MOCS1: variants seen among roughly 807,000 people sequenced by gnomAD.
MOCS1 encodes molybdenum cofactor synthesis 1, also known as molybdenum cofactor biosynthesis protein 1.
In MOCS1, 39 loss-of-function variants were observed where a neutral mutation model predicts 57.6. That is an observed-to-expected ratio of 0.68 (90% CI 0.52 to 0.88). The LOEUF (loss-of-function observed/expected upper bound fraction) is 0.88. Among genes scored for constraint, MOCS1 ranks in the 40% least tolerant of loss-of-function variants. MOCS1 has a pLI of 0.00. For missense variants in MOCS1, 795 were observed against 831.1 expected (o/e 0.96, Z 0.53); for synonymous variants, 334 against 335.7 (o/e 1.00, Z 0.05).
intron 3 of MOCS1, 37 bp downstream of exon 3, chr6:39,925,641 C>T (rs201432240): frequency 9.0e-5 from 145 of 1,611,856 alleles, no homozygotes; most frequent in Admixed American, 8.0e-4. Flanking sequence ...GATGAGGCAG[C>T]GCTGGGAGAA....
intron 1 of MOCS1, among the ~76,000 whole-genome samples, chr6:39,930,968 A>G (rs1004166808): frequency 2.6e-5 from 4 of 152,216 alleles, no homozygotes; most frequent in Non-Finnish European, 5.9e-5. Flanking sequence ...ATGGAGGAAC[A>G]CTGTTGTGTG....
At position 39,906,668 on chromosome 6, in the gene MOCS1, C is replaced by T. The variant is rs755006992; in HGVS notation, c.1600G>A (p.Val534Met). ...TGGACTCCAGCCAGCTGGGCCACCACTAGGGCATCTCCTTTCTTGAGCTGG... is the reference window on the plus strand; with the variant it reads ...TGGACTCCAGCCAGCTGGGCCACCATTAGGGCATCTCCTTTCTTGAGCTGG... Reference protein sequence around the residue: ...QNQLKKGDALVVAQLAGVQAA... With the variant: ...QNQLKKGDALMVAQLAGVQAA... Residue 534 changes from valine to methionine, a missense_variant, in exon 11 of 11, where the codon GTG becomes ATG. This residue lies in a region of MOCS1 where 374 missense variants were observed against 422.6 expected (regional missense o/e 0.89). Coordinates refer to ENST00000340692, the MANE Select transcript of MOCS1 (RefSeq NM_001358530.2). 1 of 1,614,060 alleles carries T rather than the reference C, an allele frequency of 6.2e-7. No individual in the cohort carries two copies. The highest frequency in any genetic ancestry group is 8.5e-7 in the Non-Finnish European group (1 of 1,180,046).
At chr6:39,911,998 G>A (rs1311182925) in intron 8 of MOCS1, among the ~76,000 whole-genome samples, 2 of 152,202 alleles carry the variant, frequency 1.3e-5, no homozygotes, top group African/African-American at 4.8e-5. Flanking sequence ...AGCTCCATGA[G>A]AGCTGGAAAG....
chr6:39,911,743 C>T, intron 8 of MOCS1, among the ~76,000 whole-genome samples: 1 of 152,172 alleles, frequency 6.6e-6, no homozygotes, highest in East Asian at 1.9e-4. Flanking sequence ...TGCACTCTCA[C>T]AGGCTATCTA....
At chr6:39,910,072 T>C in intron 8 of MOCS1, 117 bp from the exon 9 acceptor site, 1 of 1,480,590 alleles carries the variant, frequency 6.8e-7, no homozygotes, top group African/African-American at 1.4e-5. Context: ...GGCCCAGGCC[T>C]CCCATGGCAG....
chr6:39,910,423 T>G (rs756745303), intron 8 of MOCS1, among the ~76,000 whole-genome samples: 3 of 152,176 alleles, frequency 2.0e-5, no homozygotes, highest in Non-Finnish European at 4.4e-5. Context: ...CTGACTGCCC[T>G]GTACCTATTT....
Position 39,916,183 on chromosome 6 carries a change from A to G in MOCS1, c.468T>C (p.Asn156=), listed in dbSNP as rs1204274752. 6.2e-7 allele frequency: 1 copy of G among 1,613,860 alleles called. No individual in the cohort carries two copies. Among genetic ancestry groups the G allele is most frequent in the Non-Finnish European group, 8.5e-7 (1 of 1,180,006 alleles). Residue 156 remains asparagine, a synonymous_variant, in exon 4 of 11, where the codon AAT becomes AAC. Transcript: ENST00000340692. The part of the protein sequence containing the change: ...EGLRTIGVTT[N]GINLARLLPQ... ...GCAGTAGCCGGGCCAGGTTGATGCC[A>G]TTGGTGGTAACACCTATGGTTCTCA... is the stretch of plus-strand genomic sequence containing the variant.
intron 3 of MOCS1, among the ~76,000 whole-genome samples, chr6:39,924,370 C>T (rs770317556): frequency 2.6e-5 from 4 of 152,116 alleles, no homozygotes; most frequent in African/African-American, 9.7e-5. Context: ...GTGTCAGGCA[C>T]GGTACTGGAT....
chr6:39,922,952 C>A (rs761602818), intron 3 of MOCS1, among the ~76,000 whole-genome samples: 1 of 152,222 alleles, frequency 6.6e-6, no homozygotes, highest in African/African-American at 2.4e-5. Flanking sequence ...ATCTGCCCTG[C>A]CCTTCAAGGC....
chr6:39,928,850 C>A (rs1348631498), intron 1 of MOCS1, among the ~76,000 whole-genome samples: 1 of 152,152 alleles, frequency 6.6e-6, no homozygotes, highest in Non-Finnish European at 1.5e-5. Context: ...CTCAGGCCCT[C>A]CAAAGGTCTA....
chr6:39,912,638 G>A (rs548366010), intron 7 of MOCS1, among the ~76,000 whole-genome samples: 2 of 152,172 alleles, frequency 1.3e-5, no homozygotes, highest in African/African-American at 4.8e-5. Flanking sequence ...GCGTGGAAGC[G>A]GGATGAGCAC....
rs1395166964 is a variant in MOCS1, at chr6:39,909,087, GA to G, written c.1117del (p.Ser373ProfsTer3). On this transcript the variant is annotated frameshift_variant, in exon 10 of 11. Transcript: ENST00000340692. LOFTEE classifies it high-confidence loss of function. ...GATCATGGGCCGGTTCTTCATCTGGGAAATACTGAACATGCCTGGGGTGAGG... is the reference window on the plus strand; with the variant it reads ...GATCATGGGCCGGTTCTTCATCTGGGAATACTGAACATGCCTGGGGTGAGG... Reference protein sequence around the residue: ...KRQHAGMFSISQMKNRPMILI... With the variant: ...KRQHAGMFSIXQMKNRPMILI... 6.2e-7 allele frequency: 1 copy of G among 1,600,484 alleles called. No homozygotes were observed. Among genetic ancestry groups the G allele is most frequent in the South Asian group, 1.1e-5 (1 of 90,560 alleles).
Position 39,906,388 on chromosome 6 carries a change from C to T in MOCS1, c.1880G>A (p.Gly627Asp), listed in dbSNP as rs775741893. 9 of 1,599,326 alleles carry T rather than the reference C, an allele frequency of 5.6e-6. No homozygotes were observed. Among genetic ancestry groups the T allele is most frequent in the East Asian group, 2.2e-5 (1 of 44,524 alleles). Residue 627 changes from glycine to aspartate, a missense_variant, in exon 11 of 11, where the codon GGT (glycine) becomes GAT (aspartate). Around this residue, in one of 3 missense-constraint regions of MOCS1, gnomAD observed 374 missense variants for 422.6 expected, o/e 0.89. Coordinates refer to ENST00000340692, the MANE Select transcript of MOCS1 (RefSeq NM_001358530.2). ...CCGATGGAAGTCCCCCCGCTGACCA[C>T]CAGTCTTGCTAATGAGCTTGATCTC... ...LEEIKLISKT[G>D]GQRGDFHRA
rs768042351 is a variant in MOCS1, at chr6:39,927,556, C to T, written c.124-101G>A. ...CCCCTCCCTTACTCTGACATCTGTG[C>T]GGAGCTTCCAACTCTTCCACATGTT... On this transcript the variant is annotated intron_variant, in intron 1 of 10. Transcript: ENST00000340692. The T allele has an allele frequency of 1.6e-5, 25 of 1,610,428 alleles. No homozygotes were observed. The highest frequency in any genetic ancestry group is 8.4e-5 in the Admixed American group (5 of 59,858).
At chr6:39,919,199 T>C (rs1338849043) in intron 3 of MOCS1, among the ~76,000 whole-genome samples, 1 of 152,102 alleles carries the variant, frequency 6.6e-6, no homozygotes, top group Non-Finnish European at 1.5e-5. Context: ...AAAAGTCAAC[T>C]GGAGGCCAGG....
chr6:39,922,265 A>G, intron 3 of MOCS1, among the ~76,000 whole-genome samples: 1 of 152,220 alleles, frequency 6.6e-6, no homozygotes, highest in Non-Finnish European at 1.5e-5. Context: ...TGTATCAGAC[A>G]ACACAGATGC....
chr6:39,917,623 A>G (rs73732322), intron 3 of MOCS1, among the ~76,000 whole-genome samples: 2,769 of 152,306 alleles, frequency 0.018, 83 homozygotes, highest in African/African-American at 0.062. Flanking sequence ...GCCAAGAATC[A>G]ACAAACATTT....
chr6:39,928,894 A>T (rs1350586947), intron 1 of MOCS1, among the ~76,000 whole-genome samples: 6 of 152,194 alleles, frequency 3.9e-5, no homozygotes, highest in Non-Finnish European at 8.8e-5. Context: ...AGGAAGAAGC[A>T]TTTGCTTCAG....
In MOCS1 at chr6:39,905,111, G is replaced by A. The variant is rs1354223329; in HGVS notation, c.*1246C>T. The A allele has an allele frequency of 4.4e-6, 2 of 454,468 alleles. No homozygotes were observed. The highest frequency in any genetic ancestry group is 2.0e-5 in the African/African-American group (1 of 50,006). The allele number at this position is 454,468 out of a possible 1,614,324, so 28.2% of individuals were successfully genotyped here. On this transcript the variant is annotated 3_prime_UTR_variant, in exon 11 of 11. Transcript: ENST00000340692. The stretch of plus-strand genomic sequence containing the variant: ...CAGCACACCTTGGCATAGGGCAGAG[G>A]GGAGGCAGGCAGGGGGCACCACTGA...
Sources: gnomAD v4.1 joint callset for allele counts (sites outside exome capture counted in the v4.1 genomes callset) on GRCh38, gnomAD v4.1.1 for gene constraint, gnomAD v4.1.1 regional missense constraint, MANE v1.5 for transcripts, NCBI Gene and HGNC (gene_info 2026-07-23, HGNC 2026-07-21) for gene names.